Variants in CDH4 observed in about 807,000 individuals in gnomAD.
CDH4 encodes cadherin 4.
In CDH4, 33 loss-of-function variants were observed where a neutral mutation model predicts 86.0. The observed-to-expected ratio is 0.38, with a 90% confidence interval of 0.29 to 0.51. CDH4 has a LOEUF of 0.51. Among genes scored for constraint, CDH4 ranks in the 20% least tolerant of loss-of-function variants. The probability of loss-of-function intolerance (pLI) is 0.86; values close to 1 mark genes in which losing one functional copy is unlikely to be tolerated. For missense variants in CDH4, 1,114 were observed against 1,307.4 expected, an observed-to-expected ratio of 0.85 and a Z score of 2.28; for synonymous variants, 555 against 549.4, an observed-to-expected ratio of 1.01 and a Z score of -0.14.
intron 2 of CDH4, among the ~76,000 whole-genome samples, chr20:61,380,761 A>G (rs909301950): frequency 6.6e-6 from 1 of 152,208 alleles, no homozygotes; most frequent in African/African-American, 2.4e-5. Context: ...ATCTTTCATG[A>G]TGCTGAAAGA....
At chr20:61,533,242 A>C (rs57986636) in intron 2 of CDH4, among the ~76,000 whole-genome samples, 23,368 of 152,188 alleles carry the variant, frequency 0.15, 2,107 homozygotes, top group East Asian at 0.45. Context: ...CACGGCCCAG[A>C]CAAGGAGTGG....
intron 3 of CDH4, among the ~76,000 whole-genome samples, chr20:61,771,289 C>T (rs1483109318): frequency 6.6e-6 from 1 of 150,418 alleles, no homozygotes. Flanking sequence ...GGATTACAGG[C>T]GTGAGCCACC....
chr20:61,785,087 C>T (rs144320482), intron 4 of CDH4, among the ~76,000 whole-genome samples: 2 of 152,190 alleles, frequency 1.3e-5, no homozygotes, highest in African/African-American at 2.4e-5. Flanking sequence ...CAGGACACTC[C>T]TCCCTGGCTC....
chr20:61,265,009 C>G (rs2084149398), intron 2 of CDH4, among the ~76,000 whole-genome samples: 1 of 151,216 alleles, frequency 6.6e-6, no homozygotes. Flanking sequence ...TTCATTCAGT[C>G]CTACACATAC....
At chr20:61,668,394 C>T (rs1163452299) in intron 2 of CDH4, among the ~76,000 whole-genome samples, 1 of 152,222 alleles carries the variant, frequency 6.6e-6, no homozygotes, top group Non-Finnish European at 1.5e-5. Context: ...GCACAAAACC[C>T]TCTGCACATG....
chr20:61,460,507 C>G (rs565833342), intron 2 of CDH4, among the ~76,000 whole-genome samples: 3 of 152,194 alleles, frequency 2.0e-5, no homozygotes, highest in African/African-American at 7.2e-5. Context: ...CCTCACCTGC[C>G]GCTGGAAGCA....
chr20:61,437,743 C>T (rs2427098), intron 2 of CDH4, among the ~76,000 whole-genome samples: 53,836 of 151,916 alleles, frequency 0.35, 9,729 homozygotes, highest in East Asian at 0.53. Flanking sequence ...ACTTAGGTCG[C>T]TGGGGACCCT....
At chr20:61,490,934 A>G (rs979835931) in intron 2 of CDH4, among the ~76,000 whole-genome samples, 3 of 152,194 alleles carry the variant, frequency 2.0e-5, no homozygotes, top group African/African-American at 7.2e-5. Context: ...ATCTGATACA[A>G]TTTGTGTAAG....
intron 2 of CDH4, among the ~76,000 whole-genome samples, chr20:61,560,588 C>G (rs2086209455): frequency 6.6e-6 from 1 of 152,212 alleles, no homozygotes; most frequent in Non-Finnish European, 1.5e-5. Flanking sequence ...GCCCTGCACT[C>G]CAGCGCCTTC....
intron 2 of CDH4, among the ~76,000 whole-genome samples, chr20:61,310,624 A>G (rs1401347794): frequency 6.6e-6 from 1 of 152,114 alleles, no homozygotes; most frequent in African/African-American, 2.4e-5. Context: ...CTAACAGGCC[A>G]TGCACTGCCA....
chr20:61,725,756 G>A (rs779263781), intron 2 of CDH4, among the ~76,000 whole-genome samples: 9 of 151,636 alleles, frequency 5.9e-5, no homozygotes, highest in Non-Finnish European at 1.3e-4. Flanking sequence ...GGCCAGAGGT[G>A]AGGGAGGGGA....
At chr20:61,312,430 G>C (rs2084451725) in intron 2 of CDH4, among the ~76,000 whole-genome samples, 2 of 152,026 alleles carry the variant, frequency 1.3e-5, no homozygotes, top group South Asian at 4.1e-4. Flanking sequence ...GTGTGAGTGT[G>C]TGCGCCCATT....
chr20:61,515,989 G>T (rs929124188), intron 2 of CDH4, among the ~76,000 whole-genome samples: 5 of 152,032 alleles, frequency 3.3e-5, no homozygotes, highest in Non-Finnish European at 5.9e-5. Flanking sequence ...CTGCTCCAGG[G>T]TAGAATGCAG....
rs990948902 is a variant in CDH4 at position 61,590,879 on chromosome 20, G to T, written c.170-152684G>T. On this transcript the variant is annotated intron_variant, in intron 2 of 15. Transcript: ENST00000614565. ...AGCCTTGTCTTCCCTAAATCTATGG[G>T]GGGGGGGGTCCCCGGGTCTCCAGGC... is the stretch of plus-strand genomic sequence containing the variant. Among the ~76,000 whole-genome samples the T allele has an allele frequency of 8.1e-5, 11 of 135,890 alleles. 1 individual carries two copies. The highest frequency in any genetic ancestry group is 3.2e-4 in the African/African-American group (10 of 31,636). The allele number at this position is 135,890 out of a possible 152,430, so 89.1% of individuals were successfully genotyped here.
chr20:61,772,951 T>C (rs2088792632), intron 3 of CDH4, 52 bp from the exon 4 acceptor site: 2 of 1,540,660 alleles, frequency 1.3e-6, no homozygotes, highest in Non-Finnish European at 1.8e-6. Flanking sequence ...TTTTCCTCTG[T>C]GCAAAACCTA....
At chr20:61,475,540 C>A (rs2145573198) in intron 2 of CDH4, among the ~76,000 whole-genome samples, 1 of 1,066 alleles carries the variant, frequency 9.4e-4, no homozygotes, top group Non-Finnish European at 2.5e-3. Flanking sequence ...CCGCCCCTCC[C>A]TCTCTCCCTG....
intron 5 of CDH4, among the ~76,000 whole-genome samples, chr20:61,845,863 C>T (rs570501930): frequency 4.2e-4 from 64 of 152,348 alleles, no homozygotes; most frequent in Non-Finnish European, 7.9e-4. Context: ...GAACAGGGCC[C>T]GACCCTGCAG....
chr20:61,874,007 G>C, intron 7 of CDH4, 107 bp downstream of exon 7: 1 of 1,196,248 alleles, frequency 8.4e-7, no homozygotes, highest in Non-Finnish European at 1.2e-6. Context: ...GGGAGTGATC[G>C]ACAGTCTCCC....
intron 5 of CDH4, among the ~76,000 whole-genome samples, chr20:61,846,429 C>G (rs1021002721): frequency 3.9e-5 from 6 of 152,176 alleles, no homozygotes; most frequent in Non-Finnish European, 7.3e-5. Flanking sequence ...GCGTCTACAA[C>G]AGGCTCAGGA....
Sources: allele counts gnomAD v4.1 joint callset (sites outside exome capture counted in the v4.1 genomes callset), GRCh38; gene constraint gnomAD v4.1.1; transcripts MANE v1.5; gene names NCBI Gene and HGNC (gene_info 2026-07-23, HGNC 2026-07-21).